The following THEMIS variants were observed in gnomAD, a reference collection of about 807,000 sequenced individuals.
The protein encoded by THEMIS is protein THEMIS.
In THEMIS, 37 loss-of-function variants were observed where a neutral mutation model predicts 52.6. The ratio of observed to expected loss-of-function variants is 0.70; its 90% CI spans 0.54 to 0.93. THEMIS has a LOEUF of 0.93. Ranked by LOEUF, THEMIS falls within the 40% of genes least tolerant of loss-of-function variation. The pLI, the probability that THEMIS is intolerant of heterozygous loss-of-function variation, is 0.00. For missense variants in THEMIS, 808 were observed against 763.1 expected, an observed-to-expected ratio of 1.06 and a Z score of -0.69; for synonymous variants, 292 against 272.7, an observed-to-expected ratio of 1.07 and a Z score of -0.70.
At chr6:127,854,356 A>G (rs270031) in intron 2 of THEMIS, among the ~76,000 whole-genome samples, 1 of 151,582 alleles carries the variant, frequency 6.6e-6, no homozygotes, top group South Asian at 2.1e-4. Flanking sequence ...AAGATTTACT[A>G]TTTGGCTCTT....
Position 127,895,487 on chromosome 6 carries a change from ACAAT to A in THEMIS, c.91+5351_91+5354del, listed in dbSNP as rs1371800748. Among the ~76,000 whole-genome samples the A allele has an allele frequency of 2.0e-5, 3 of 151,598 alleles. No individual in the cohort carries two copies. The East Asian group carries it at 5.8e-4, about 29-fold the overall frequency. On this transcript the variant is annotated intron_variant, in intron 1 of 5. Transcript: ENST00000368248. ...TTAACTGCATTTCTTCACTTCAGAG[ACAAT>A]CAATGGGAAAACAGACAAAATACGA...
At position 127,857,870 on chromosome 6, in the gene THEMIS, G is replaced by A. The variant is rs545923634; in HGVS notation, c.92-2682C>T. Among the ~76,000 whole-genome samples the A allele has an allele frequency of 1.2e-4, 19 of 152,202 alleles. No homozygotes were observed. In the South Asian group the frequency reaches 3.9e-3, roughly 32 times the overall value. The stretch of plus-strand genomic sequence containing the variant: ...TAGAGGGGAAAATGTGTTAAGCAGA[G>A]AAAGCACTGGGCATCATTGAGTTAG... On this transcript the variant is annotated intron_variant, in intron 1 of 5. Coordinates refer to ENST00000368248, the MANE Select transcript of THEMIS (RefSeq NM_001010923.3).
intron 2 of THEMIS, among the ~76,000 whole-genome samples, chr6:127,833,981 AT>A (rs1368024947): frequency 2.6e-5 from 4 of 152,206 alleles, no homozygotes. Context: ...GTATTGGAAT[AT>A]AAAATAATAA....
intron 4 of THEMIS, among the ~76,000 whole-genome samples, chr6:127,804,020 T>C (rs914536367): frequency 6.6e-6 from 1 of 152,146 alleles, no homozygotes; most frequent in Non-Finnish European, 1.5e-5. Flanking sequence ...TGAATCCATA[T>C]ACATGAATAA....
intron 3 of THEMIS, among the ~76,000 whole-genome samples, chr6:127,828,350 G>T (rs1315376977): frequency 5.3e-5 from 8 of 151,952 alleles, no homozygotes; most frequent in Non-Finnish European, 1.0e-4. Context: ...ATTAATGTGG[G>T]GTCTACAATT....
chr6:127,828,778 C>T (rs997683892), intron 3 of THEMIS, among the ~76,000 whole-genome samples: 1 of 152,074 alleles, frequency 6.6e-6, no homozygotes, highest in Non-Finnish European at 1.5e-5. Flanking sequence ...ATGGTGAAAC[C>T]CTGTCTCTAC....
chr6:127,823,286 C>T (rs1183890515), intron 3 of THEMIS, among the ~76,000 whole-genome samples: 1 of 151,962 alleles, frequency 6.6e-6, no homozygotes, highest in South Asian at 2.1e-4. Flanking sequence ...GGACACATTG[C>T]GAAAAGCATC....
At chr6:127,699,357 T>C in the THEMIS span, among the ~76,000 whole-genome samples, 1 of 151,500 alleles carries the variant, frequency 6.6e-6, no homozygotes, top group Non-Finnish European at 1.5e-5. Flanking sequence ...CTTCCATACA[T>C]TATTTAATTA....
chr6:127,841,327 A>T (rs115425574), intron 2 of THEMIS, among the ~76,000 whole-genome samples: 186 of 152,192 alleles, frequency 1.2e-3, no homozygotes, highest in African/African-American at 4.2e-3. Context: ...TGCAAGAAAC[A>T]GAAGATCCAA....
chr6:127,810,196 T>C (rs1316948274), intron 4 of THEMIS, among the ~76,000 whole-genome samples: 1 of 152,060 alleles, frequency 6.6e-6, no homozygotes, highest in African/African-American at 2.4e-5. Flanking sequence ...TTAAAAATTT[T>C]AACCTTTTTT....
At chr6:127,917,587 T>G (rs1781553353) in intron 1 of THEMIS, among the ~76,000 whole-genome samples, 1 of 152,192 alleles carries the variant, frequency 6.6e-6, no homozygotes, top group South Asian at 2.1e-4. Context: ...TCTGCCCAGC[T>G]CCTAGTCATG....
chr6:127,800,896 C>A (rs1777510290), intron 4 of THEMIS, among the ~76,000 whole-genome samples: 1 of 152,128 alleles, frequency 6.6e-6, no homozygotes, highest in East Asian at 1.9e-4. Context: ...TTAGTTCTGT[C>A]CCTGTAGAGA....
At chr6:127,722,798 A>G (rs1480053678) in intron 4 of THEMIS, among the ~76,000 whole-genome samples, 1 of 151,888 alleles carries the variant, frequency 6.6e-6, no homozygotes, top group African/African-American at 2.4e-5. Flanking sequence ...TCTATCTACT[A>G]ATATCCATGC....
chr6:127,916,763 A>G (rs976119158), intron 1 of THEMIS, among the ~76,000 whole-genome samples: 6 of 152,232 alleles, frequency 3.9e-5, no homozygotes, highest in Non-Finnish European at 8.8e-5. Context: ...TTTTTGCTTA[A>G]GCCAGAGTCG....
chr6:127,773,491 C>T (rs1180295851), intron 4 of THEMIS, among the ~76,000 whole-genome samples: 1 of 152,096 alleles, frequency 6.6e-6, no homozygotes, highest in Non-Finnish European at 1.5e-5. Context: ...ATCTGTTTTC[C>T]TATGACTGAT....
chr6:127,899,668 C>G (rs181071594), intron 1 of THEMIS, among the ~76,000 whole-genome samples: 2 of 151,580 alleles, frequency 1.3e-5, no homozygotes, highest in Middle Eastern at 3.2e-3. Context: ...AGGAAAATAT[C>G]TTTTTAAAGT....
chr6:127,875,640 T>A (rs1780292593), intron 1 of THEMIS, among the ~76,000 whole-genome samples: 1 of 152,218 alleles, frequency 6.6e-6, no homozygotes, highest in Non-Finnish European at 1.5e-5. Context: ...ACGGAGGAAC[T>A]CAAGTTTTAC....
At chr6:127,748,515 C>T (rs924916863) in intron 4 of THEMIS, among the ~76,000 whole-genome samples, 8 of 152,038 alleles carry the variant, frequency 5.3e-5, no homozygotes, top group African/African-American at 1.2e-4. Context: ...GTAGTACTTC[C>T]TCTTAATGAC....
chr6:127,754,602 C>T (rs546505643), intron 4 of THEMIS, among the ~76,000 whole-genome samples: 5 of 152,236 alleles, frequency 3.3e-5, no homozygotes, highest in East Asian at 1.9e-4. Flanking sequence ...TTCCTCCATT[C>T]GGTTTCACAG....
Sources: allele counts gnomAD v4.1 joint callset (sites outside exome capture counted in the v4.1 genomes callset), GRCh38; gene constraint gnomAD v4.1.1; transcripts MANE v1.5; gene names NCBI Gene and HGNC (gene_info 2026-07-23, HGNC 2026-07-21).